The following CTNNA3 variants were observed in gnomAD, a reference collection of about 807,000 sequenced individuals.
CTNNA3 encodes catenin alpha-3.
CTNNA3 carries 76 observed loss-of-function variants against 95.7 expected under a neutral mutation model. The ratio of observed to expected loss-of-function variants is 0.79; its 90% CI spans 0.66 to 0.96. The LOEUF (loss-of-function observed/expected upper bound fraction) is 0.96. Among genes scored for constraint, CTNNA3 ranks in the 40% least tolerant of loss-of-function variants. The probability of loss-of-function intolerance (pLI) is 0.00; values close to 1 mark genes in which losing one functional copy is unlikely to be tolerated. For missense variants in CTNNA3, 1,191 were observed against 1,089.8 expected, an observed-to-expected ratio of 1.09 and a Z score of -1.31; for synonymous variants, 431 against 374.4, an observed-to-expected ratio of 1.15 and a Z score of -1.74.
chr10:67,314,412 C>G (rs916963986), intron 5 of CTNNA3, among the ~76,000 whole-genome samples: 1 of 152,128 alleles, frequency 6.6e-6, no homozygotes, highest in Non-Finnish European at 1.5e-5. Flanking sequence ...AGCAATCATT[C>G]GTGTGTCACA....
At chr10:66,531,866 A>G (rs1301869703) in intron 10 of CTNNA3, among the ~76,000 whole-genome samples, 1 of 152,134 alleles carries the variant, frequency 6.6e-6, no homozygotes, top group Non-Finnish European at 1.5e-5. Flanking sequence ...AAAAATAAAT[A>G]TAGGCAACAG....
chr10:67,511,054 C>G (rs944320187), intron 5 of CTNNA3, among the ~76,000 whole-genome samples: 1 of 152,186 alleles, frequency 6.6e-6, no homozygotes, highest in Non-Finnish European at 1.5e-5. Context: ...TATCCTGAGA[C>G]TTTGCTGAAG....
chr10:66,321,608 A>G (rs1251576390), intron 12 of CTNNA3, among the ~76,000 whole-genome samples: 1 of 152,148 alleles, frequency 6.6e-6, no homozygotes, highest in African/African-American at 2.4e-5. Context: ...CCTGCAATGA[A>G]TACTTTTTTA....
At chr10:67,473,219 A>C (rs1847891114) in intron 5 of CTNNA3, among the ~76,000 whole-genome samples, 1 of 152,210 alleles carries the variant, frequency 6.6e-6, no homozygotes, top group Non-Finnish European at 1.5e-5. Flanking sequence ...TATCCAGATA[A>C]AATGTCTCAA....
intron 7 of CTNNA3, among the ~76,000 whole-genome samples, chr10:66,845,081 AAC>A (rs1391147482): frequency 6.6e-6 from 1 of 152,210 alleles, no homozygotes; most frequent in African/African-American, 2.4e-5. Context: ...AACAATAGAG[AAC>A]ACACTTTCTT....
intron 7 of CTNNA3, among the ~76,000 whole-genome samples, chr10:66,809,734 G>A (rs935791873): frequency 7.9e-5 from 12 of 151,522 alleles, no homozygotes; most frequent in African/African-American, 2.7e-4. Context: ...TTAGTTAGAC[G>A]GTCTTTGGCA....
At chr10:66,165,603 T>C (rs1238090724) in intron 13 of CTNNA3, among the ~76,000 whole-genome samples, 5 of 151,884 alleles carry the variant, frequency 3.3e-5, no homozygotes, top group African/African-American at 7.3e-5. Context: ...ATATATAGGA[T>C]AGAGGAAAAA....
intron 1 of CTNNA3, among the ~76,000 whole-genome samples, chr10:67,735,212 G>A (rs925786571): frequency 4.7e-4 from 71 of 151,572 alleles, no homozygotes; most frequent in African/African-American, 1.7e-3. Flanking sequence ...GTGTTCTATA[G>A]AGCATCCTTT....
At chr10:67,248,743 A>C (rs1225331987) in intron 5 of CTNNA3, among the ~76,000 whole-genome samples, 2 of 152,186 alleles carry the variant, frequency 1.3e-5, no homozygotes, top group Non-Finnish European at 1.5e-5. Flanking sequence ...TTGGATATAT[A>C]CATGCAAAAG....
At chr10:66,087,876 C>T (rs1277893990) in intron 14 of CTNNA3, among the ~76,000 whole-genome samples, 1 of 151,936 alleles carries the variant, frequency 6.6e-6, no homozygotes, top group Non-Finnish European at 1.5e-5. Context: ...GAATATTTAG[C>T]CAGTTTGAGA....
intron 1 of CTNNA3, among the ~76,000 whole-genome samples, chr10:67,684,455 C>G (rs1840691016): frequency 6.6e-6 from 1 of 152,182 alleles, no homozygotes; most frequent in Non-Finnish European, 1.5e-5. Context: ...CAACCTTTAG[C>G]TAGACAGAAA....
intron 5 of CTNNA3, among the ~76,000 whole-genome samples, chr10:67,234,246 T>C (rs931986950): frequency 6.6e-6 from 1 of 152,174 alleles, no homozygotes; most frequent in African/African-American, 2.4e-5. Flanking sequence ...TTGATGAACA[T>C]TGATGCAAAA....
intron 12 of CTNNA3, among the ~76,000 whole-genome samples, chr10:66,350,477 G>GC (rs2092558511): frequency 6.6e-6 from 1 of 151,762 alleles, no homozygotes; most frequent in Admixed American, 6.6e-5. Context: ...CTGAGTAAGG[G>GC]CAAGAGATAC....
chr10:66,570,920 G>A (rs1447389469), intron 10 of CTNNA3, among the ~76,000 whole-genome samples: 5 of 152,074 alleles, frequency 3.3e-5, no homozygotes, highest in Non-Finnish European at 7.4e-5. Context: ...TGAGCAAGGA[G>A]CTCTCAAAAA....
chr10:67,717,187 C>A (rs1841149306), intron 1 of CTNNA3, among the ~76,000 whole-genome samples: 1 of 151,810 alleles, frequency 6.6e-6, no homozygotes, highest in Admixed American at 6.6e-5. Context: ...TTGTAAATTT[C>A]TTTAAGTTCC....
rs1427701124 is a variant in CTNNA3 at position 67,256,568 on chromosome 10, T to G, written c.580-36698A>C. Among the ~76,000 whole-genome samples, 6 of 152,186 alleles carry G rather than the reference T, an allele frequency of 3.9e-5. No individual in the cohort carries two copies. In the East Asian group the frequency reaches 9.6e-4, roughly 24 times the overall value. ...AGATTACCCAATAAAAATGACTGCTTTTTCCCTAAAGTCTCTTTATCCTTA... is the reference window on the plus strand; with the variant it reads ...AGATTACCCAATAAAAATGACTGCTGTTTCCCTAAAGTCTCTTTATCCTTA... On this transcript the variant is annotated intron_variant, in intron 5 of 17. Coordinates refer to ENST00000433211, the MANE Select transcript of CTNNA3 (RefSeq NM_013266.4).
intron 10 of CTNNA3, among the ~76,000 whole-genome samples, chr10:66,580,247 C>T (rs185360547): frequency 1.3e-5 from 2 of 151,484 alleles, no homozygotes; most frequent in Admixed American, 1.3e-4. Context: ...TTTTTATTCT[C>T]CTTTGGTGAC....
chr10:67,400,530 GGAA>G (rs1222190095), intron 5 of CTNNA3, among the ~76,000 whole-genome samples: 3 of 152,032 alleles, frequency 2.0e-5, no homozygotes, highest in African/African-American at 7.3e-5. Flanking sequence ...AAATACTTTA[GGAA>G]GAAGATGATA....
At chr10:66,944,421 C>G (rs1848177416) in intron 7 of CTNNA3, among the ~76,000 whole-genome samples, 1 of 152,166 alleles carries the variant, frequency 6.6e-6, no homozygotes, top group African/African-American at 2.4e-5. Context: ...ACCACATCTT[C>G]AGTTACTTCC....
Sources: allele counts gnomAD v4.1 joint callset (sites outside exome capture counted in the v4.1 genomes callset), GRCh38; gene constraint gnomAD v4.1.1; transcripts MANE v1.5; gene names NCBI Gene and HGNC (gene_info 2026-07-23, HGNC 2026-07-21).